Variants in GRAMD4 observed in about 807,000 individuals in gnomAD.
GRAMD4 encodes the protein GRAM domain containing 4, also known as GRAM domain-containing protein 4.
Under a neutral mutation model 83.9 loss-of-function variants are expected in GRAMD4, and 25 were observed. The observed-to-expected ratio is 0.30, with a 90% CI of 0.22 to 0.42. GRAMD4 has a LOEUF of 0.42. Among genes scored for constraint, GRAMD4 ranks in the 10% least tolerant of loss-of-function variants. GRAMD4 has a pLI of 1.00. For missense variants in GRAMD4, 593 were observed against 788.7 expected (o/e 0.75, Z 2.97); for synonymous variants, 336 against 320.9 (o/e 1.05, Z -0.50).
At chr22:46,645,838 A>G (rs2036846360) in intron 3 of GRAMD4, among the ~76,000 whole-genome samples, 1 of 152,252 alleles carries the variant, frequency 6.6e-6, no homozygotes, top group South Asian at 2.1e-4. Context: ...TTCGGTTGCT[A>G]GTGCTTTTTG....
At chr22:46,665,538 TG>T (rs1203561315) in intron 8 of GRAMD4, 76 bp from the exon 9 acceptor site, 18 of 776,044 alleles carry the variant, frequency 2.3e-5, no homozygotes, top group Non-Finnish European at 3.1e-5. Context: ...GGCCGCCTGG[TG>T]GGGGGAGGCG....
At position 46,672,941 on chromosome 22, in the gene GRAMD4, A is replaced by C. The variant is rs376626431; in HGVS notation, c.1183A>C (p.Ser395Arg). ...KYDTPYIIWR[S>R]LPTDPQLKER... Reference sequence around the variant, plus strand: ...CGACACGCCCTATATCATCTGGAGGAGTCTCCCCACCGACCCGCAGCTCAA... The same window carrying C: ...CGACACGCCCTATATCATCTGGAGGCGTCTCCCCACCGACCCGCAGCTCAA... Residue 395 changes from serine to arginine, a missense_variant, in exon 14 of 19, where the codon AGT (serine) becomes CGT (arginine). Around this residue, in one of 4 missense-constraint regions of GRAMD4, gnomAD observed 171 missense variants for 199.6 expected, o/e 0.86. Transcript: ENST00000406902. This position sits in a 1 kb window ranked among gnomAD's most constrained non-coding sequence, Gnocchi z 4.7. The C allele has an allele frequency of 6.2e-7, 1 of 1,611,036 alleles. No homozygotes were observed. Among genetic ancestry groups the C allele is most frequent in the Non-Finnish European group, 8.5e-7 (1 of 1,179,720 alleles).
chr22:46,597,004 C>T (rs952820178), intron 1 of GRAMD4, among the ~76,000 whole-genome samples: 1 of 152,196 alleles, frequency 6.6e-6, no homozygotes, highest in African/African-American at 2.4e-5. Flanking sequence ...TTCTCAGCGT[C>T]CATCCATCTG....
intron 3 of GRAMD4, among the ~76,000 whole-genome samples, chr22:46,657,282 GTTC>G (rs1362375775): frequency 2.0e-5 from 3 of 152,246 alleles, no homozygotes; most frequent in Non-Finnish European, 4.4e-5. Flanking sequence ...TGTTGCTCTT[GTTC>G]TTCATGCGTG....
Position 46,662,991 on chromosome 22 carries a change from C to T in GRAMD4, c.467-49C>T, listed in dbSNP as rs909152819. On this transcript the variant is annotated intron_variant, in intron 5 of 18. Coordinates refer to ENST00000406902, the MANE Select transcript of GRAMD4 (RefSeq NM_015124.5). ...TGAGATCCCGGAGCCGACCCCAGAA[C>T]AGGCAGTGCAGCCCTGCCGTGCCCT... 10 of 1,531,390 alleles carry T rather than the reference C, an allele frequency of 6.5e-6. No homozygotes were observed. In the East Asian group the frequency reaches 1.6e-4, roughly 24 times the overall value. The allele number at this position is 1,531,390 out of a possible 1,614,324, so 94.9% of individuals were successfully genotyped here.
At chr22:46,625,573 G>A (rs890249557) in intron 1 of GRAMD4, among the ~76,000 whole-genome samples, 1 of 152,280 alleles carries the variant, frequency 6.6e-6, no homozygotes, top group African/African-American at 2.4e-5. Context: ...AGGCAAAAAT[G>A]TCAGCTCAGA....
At chr22:46,619,912 C>T (rs1195563597), upstream of GRAMD4, among the ~76,000 whole-genome samples, 1 of 152,096 alleles carries the variant, frequency 6.6e-6, no homozygotes, top group Non-Finnish European at 1.5e-5. Flanking sequence ...GGAGGGCTGG[C>T]GGCTGTGGGA....
At chr22:46,583,312 G>A (rs1358828623) in intron 1 of GRAMD4, among the ~76,000 whole-genome samples, 3 of 152,368 alleles carry the variant, frequency 2.0e-5, no homozygotes, top group Middle Eastern at 3.4e-3. Context: ...AACAGTTGCA[G>A]TTTGTCTGGT....
intron 2 of GRAMD4, among the ~76,000 whole-genome samples, chr22:46,634,620 C>T (rs2081831117): frequency 6.6e-6 from 1 of 152,162 alleles, no homozygotes; most frequent in Admixed American, 6.5e-5. Context: ...TGCGTGGCCA[C>T]AGTTTCTGTG....
chr22:46,629,552 C>T (rs1205501236), intron 2 of GRAMD4, among the ~76,000 whole-genome samples: 1 of 152,156 alleles, frequency 6.6e-6, no homozygotes. Flanking sequence ...GGTCCCCTCT[C>T]ATCACCCTTC....
chr22:46,576,904 CCAAA>C (rs1048577402), upstream of GRAMD4, among the ~76,000 whole-genome samples: 4 of 146,140 alleles, frequency 2.7e-5, no homozygotes, highest in African/African-American at 4.9e-5. Flanking sequence ...ACGTGGCCAC[CCAAA>C]CAAAGGCCGC....
intron 1 of GRAMD4, among the ~76,000 whole-genome samples, chr22:46,625,082 A>G (rs193277654): frequency 6.6e-5 from 10 of 151,680 alleles, no homozygotes; most frequent in Admixed American, 2.6e-4. Flanking sequence ...AGATGGTCTC[A>G]ATCTCCTGAC....
rs537403146 is a variant in GRAMD4 at position 46,669,349 on chromosome 22, C to T, written c.1084+441C>T. Among the ~76,000 whole-genome samples the T allele has an allele frequency of 5.0e-4, 76 of 152,120 alleles. 1 individual carries two copies. Among genetic ancestry groups the T allele is most frequent in the Non-Finnish European group, 5.6e-4 (38 of 68,026 alleles). ...CATCACGTGAAGCCAAGGGTCTCAT[C>T]CACTAAAACACTCATCTGCAGAGCT... is the stretch of plus-strand genomic sequence containing the variant. On this transcript the variant is annotated intron_variant, in intron 13 of 18. Coordinates refer to ENST00000406902, the MANE Select transcript of GRAMD4 (RefSeq NM_015124.5).
chr22:46,663,981 C>T (rs377641612), intron 7 of GRAMD4, 45 bp from the exon 8 acceptor site: 190 of 1,574,554 alleles, frequency 1.2e-4, no homozygotes, highest in Non-Finnish European at 1.6e-4. Context: ...GGTTAAGCGG[C>T]CTCCTACCCA....
intron 1 of GRAMD4, among the ~76,000 whole-genome samples, chr22:46,599,817 G>A (rs1184155103): frequency 2.0e-5 from 3 of 152,166 alleles, no homozygotes; most frequent in Non-Finnish European, 2.9e-5. Flanking sequence ...CATGGTCGCC[G>A]TCGCTGGAGC....
chr22:46,626,991 G>A (rs2081672522), intron 2 of GRAMD4, 30 bp downstream of exon 2: 1 of 1,533,304 alleles, frequency 6.5e-7, no homozygotes, highest in East Asian at 2.2e-5. Context: ...CCCCGGTGTG[G>A]GCTGGGGTGT....
intron 13 of GRAMD4, 100 bp downstream of exon 13, chr22:46,669,008 A>C: frequency 1.2e-5 from 8 of 689,884 alleles, no homozygotes; most frequent in East Asian, 7.7e-5. Flanking sequence ...TGTTAAACTC[A>C]CCTGGCGATC....
At chr22:46,648,368 G>A (rs1007170636) in intron 3 of GRAMD4, among the ~76,000 whole-genome samples, 7 of 151,060 alleles carry the variant, frequency 4.6e-5, no homozygotes, top group Non-Finnish European at 1.0e-4. Context: ...ATGAATGGGT[G>A]AGTGGATGGA....
At chr22:46,600,446 CTTCCCTTGTGGCTTCA>C (rs1201687770) in intron 1 of GRAMD4, among the ~76,000 whole-genome samples, 1 of 152,208 alleles carries the variant, frequency 6.6e-6, no homozygotes, top group Non-Finnish European at 1.5e-5. Context: ...CCTCCTTCTG[CTTCCCTTGTGGCTTCA>C]TTCCCGTGAT....
Sources: allele counts gnomAD v4.1 joint callset (sites outside exome capture counted in the v4.1 genomes callset), GRCh38; gene constraint gnomAD v4.1.1; regional missense constraint gnomAD v4.1.1; non-coding constraint Gnocchi (gnomAD v3.1); transcripts MANE v1.5; gene names NCBI Gene and HGNC (gene_info 2026-07-23, HGNC 2026-07-21).